The following BABAM2 variants were observed in gnomAD, a reference collection of about 807,000 sequenced individuals.
BABAM2 encodes the protein BRISC and BRCA1 A complex member 2, also known as BRISC and BRCA1-A complex member 2.
Under a neutral mutation model 54.7 loss-of-function variants are expected in BABAM2, and 31 were observed. That is an observed-to-expected ratio of 0.57 (90% CI 0.43 to 0.77). The LOEUF (loss-of-function observed/expected upper bound fraction) is 0.77, where lower values mean the gene tolerates loss of function less well. BABAM2 is among the 30% of genes least tolerant of loss of function. The pLI, the probability that BABAM2 is intolerant of heterozygous loss-of-function variation, is 0.00. For synonymous variants in BABAM2, 167 were observed against 162.9 expected (o/e 1.03, Z -0.19); for missense variants, 364 against 455.8 (o/e 0.80, Z 1.83).
In BABAM2 at chr2:27,932,907, TTTC is replaced by T. The variant is rs1411814478; in HGVS notation, c.205+3001_205+3003del. Among the ~76,000 whole-genome samples the T allele has an allele frequency of 1.1e-4, 17 of 152,358 alleles. No homozygotes were observed. The East Asian group carries it at 2.9e-3, about 26-fold the overall frequency. ...TTCTGTCTCTAGCAATTTGCTAAAC[TTTC>T]TCATCTACTGATTAACTACTCTCCT... On this transcript the variant is annotated intron_variant, in intron 3 of 11. Coordinates refer to ENST00000379624, the MANE Select transcript of BABAM2 (RefSeq NM_199191.3).
At chr2:28,291,074 T>A (rs944421595) in intron 10 of BABAM2, among the ~76,000 whole-genome samples, 1 of 152,218 alleles carries the variant, frequency 6.6e-6, no homozygotes, top group African/African-American at 2.4e-5. Flanking sequence ...CAACAAACAC[T>A]ATGAGATAGA....
At chr2:28,008,413 G>A (rs911012839) in intron 4 of BABAM2, among the ~76,000 whole-genome samples, 1 of 152,140 alleles carries the variant, frequency 6.6e-6, no homozygotes, top group Admixed American at 6.6e-5. Context: ...AGCCAGTCAA[G>A]TGTACCCAGG....
chr2:28,161,779 A>G (rs1033475472), intron 7 of BABAM2, among the ~76,000 whole-genome samples: 1 of 152,182 alleles, frequency 6.6e-6, no homozygotes, highest in East Asian at 1.9e-4. Context: ...CTTAATGCCA[A>G]GCTGGCCCAG....
At chr2:28,130,207 T>G (rs1669904836) in intron 7 of BABAM2, among the ~76,000 whole-genome samples, 1 of 152,244 alleles carries the variant, frequency 6.6e-6, no homozygotes, top group African/African-American at 2.4e-5. Flanking sequence ...GATTTCTGTC[T>G]GTGAGTAGAT....
intron 7 of BABAM2, among the ~76,000 whole-genome samples, chr2:28,148,353 C>T (rs1266587530): frequency 1.3e-5 from 2 of 152,080 alleles, no homozygotes; most frequent in Non-Finnish European, 2.9e-5. Flanking sequence ...TGCAGGCAGC[C>T]CCCCACTAAT....
chr2:28,215,614 A>G (rs1679852051), intron 7 of BABAM2, among the ~76,000 whole-genome samples: 2 of 151,902 alleles, frequency 1.3e-5, no homozygotes, highest in South Asian at 4.2e-4. Context: ...CATCCATCCA[A>G]GACCATCAGT....
intron 7 of BABAM2, among the ~76,000 whole-genome samples, chr2:28,184,665 T>C (rs1289764462): frequency 6.6e-6 from 1 of 152,142 alleles, no homozygotes. Context: ...TCCTTTTCTA[T>C]GGCTGCGTAG....
chr2:28,065,395 A>T (rs1046372348), intron 6 of BABAM2, among the ~76,000 whole-genome samples: 1 of 152,186 alleles, frequency 6.6e-6, no homozygotes, highest in African/African-American at 2.4e-5. Flanking sequence ...TGCCGTAAAG[A>T]ACTGTGCTCA....
chr2:28,165,070 G>A (rs1381208221), intron 7 of BABAM2, among the ~76,000 whole-genome samples: 2 of 152,128 alleles, frequency 1.3e-5, no homozygotes, highest in Admixed American at 1.3e-4. Flanking sequence ...TCCCAGGTAC[G>A]GTTCTGGGTG....
chr2:28,154,141 G>A (rs1672324026), intron 7 of BABAM2, among the ~76,000 whole-genome samples: 1 of 152,162 alleles, frequency 6.6e-6, no homozygotes, highest in African/African-American at 2.4e-5. Flanking sequence ...TTAGACATTA[G>A]CATATAGCTC....
intron 10 of BABAM2, among the ~76,000 whole-genome samples, chr2:28,262,379 T>C (rs1246519586): frequency 6.6e-6 from 1 of 152,142 alleles, no homozygotes; most frequent in African/African-American, 2.4e-5. Flanking sequence ...TCAGGTATTA[T>C]GTAAAAGATG....
At chr2:27,943,126 A>G (rs533200198) in intron 3 of BABAM2, among the ~76,000 whole-genome samples, 1 of 152,340 alleles carries the variant, frequency 6.6e-6, no homozygotes, top group African/African-American at 2.4e-5. Flanking sequence ...CGCTAGGTCC[A>G]AAAGCTGGCC....
At chr2:27,890,159 T>C, upstream of BABAM2, 2 of 1,115,310 alleles carry the variant, frequency 1.8e-6, no homozygotes, top group South Asian at 2.7e-5. This position sits in a 1 kb window ranked among gnomAD's most constrained non-coding sequence, Gnocchi z 4.8. Context: ...GCACTGTCTA[T>C]CCCTGGAGAC....
intron 2 of BABAM2, among the ~76,000 whole-genome samples, chr2:27,926,526 A>G (rs1667718391): frequency 6.6e-6 from 1 of 152,098 alleles, no homozygotes; most frequent in South Asian, 2.1e-4. Flanking sequence ...GTCCTCTTTG[A>G]TCTTCCAGTG....
rs1690127804 is a variant in BABAM2, at chr2:28,322,757, A to G, written c.1089-15693A>G. Among the ~76,000 whole-genome samples, 1 of 152,244 alleles carries G rather than the reference A, an allele frequency of 6.6e-6. No individual in the cohort carries two copies. Among genetic ancestry groups the G allele is most frequent in the African/African-American group, 2.4e-5 (1 of 41,468 alleles). ...CCCCAGCATGTTGCAGGCCCAGGAA[A>G]GCACCCTTCACCTGCAGAGTAAAGG... On this transcript the variant is annotated intron_variant, in intron 11 of 11. Transcript: ENST00000379624. This position sits in a 1 kb window ranked among gnomAD's most constrained non-coding sequence, Gnocchi z 4.1.
chr2:28,014,227 A>T (rs1354647256), intron 4 of BABAM2, among the ~76,000 whole-genome samples: 1 of 152,076 alleles, frequency 6.6e-6, no homozygotes, highest in East Asian at 1.9e-4. Flanking sequence ...GACTAGATCA[A>T]TTTTTCCAAA....
intron 3 of BABAM2, among the ~76,000 whole-genome samples, chr2:27,979,525 T>C (rs1671855207): frequency 6.6e-6 from 1 of 152,152 alleles, no homozygotes; most frequent in African/African-American, 2.4e-5. Flanking sequence ...TTAAGTTCTT[T>C]GAGAAATCTC....
intron 6 of BABAM2, among the ~76,000 whole-genome samples, chr2:28,108,927 G>A (rs558318946): frequency 5.9e-5 from 9 of 151,978 alleles, no homozygotes; most frequent in African/African-American, 9.7e-5. Flanking sequence ...GATAACTTCC[G>A]TTATCTCAGT....
chr2:28,144,839 A>G (rs1021636090), intron 7 of BABAM2, among the ~76,000 whole-genome samples: 1 of 152,260 alleles, frequency 6.6e-6, no homozygotes, highest in Non-Finnish European at 1.5e-5. Flanking sequence ...TCAGAGGTCA[A>G]CAATGAGTAT....
Sources: gnomAD v4.1 joint callset for allele counts (sites outside exome capture counted in the v4.1 genomes callset) on GRCh38, gnomAD v4.1.1 for gene constraint, Gnocchi (gnomAD v3.1) non-coding constraint, MANE v1.5 for transcripts, NCBI Gene and HGNC (gene_info 2026-07-23, HGNC 2026-07-21) for gene names.